Variants in PCLO observed in about 807,000 individuals in gnomAD.
The protein encoded by PCLO is protein piccolo.
A neutral mutation model predicts 427.5 loss-of-function variants in PCLO; 82 were observed. The observed-to-expected ratio is 0.19, with a 90% confidence interval of 0.16 to 0.23. The LOEUF is 0.23. Among genes scored for constraint, PCLO ranks in the 10% least tolerant of loss-of-function variants. The pLI is 1.00. For missense variants in PCLO, 6,239 were observed against 6,115.9 expected (o/e 1.02, Z -0.67); for synonymous variants, 2,357 against 2,155.4 (o/e 1.09, Z -2.59).
chr7:82,973,414 T>C (rs1163075082), intron 3 of PCLO, among the ~76,000 whole-genome samples: 6 of 152,160 alleles, frequency 3.9e-5, no homozygotes, highest in Non-Finnish European at 5.9e-5. Context: ...TATATCAAAT[T>C]ATATTAGAAC....
chr7:82,947,419 G>T (rs116395463), intron 6 of PCLO, among the ~76,000 whole-genome samples: 3,020 of 152,022 alleles, frequency 0.02, 106 homozygotes, highest in African/African-American at 0.069. Flanking sequence ...TATTTTTTTA[G>T]TATAGTTAAT....
chr7:83,149,012 C>T (rs1197049357), intron 2 of PCLO, among the ~76,000 whole-genome samples: 1 of 152,072 alleles, frequency 6.6e-6, no homozygotes, highest in African/African-American at 2.4e-5. Context: ...TTTTGCAATA[C>T]CCCATTGTGG....
At chr7:82,966,538 G>T in intron 3 of PCLO, 51 bp from the exon 4 acceptor site, 2 of 1,153,188 alleles carry the variant, frequency 1.7e-6, no homozygotes, top group Non-Finnish European at 2.3e-6. Flanking sequence ...TAATGTATCT[G>T]TTTCTGTGAT....
At chr7:83,160,234 A>G (rs1792399816) in intron 1 of PCLO, among the ~76,000 whole-genome samples, 1 of 152,194 alleles carries the variant, frequency 6.6e-6, no homozygotes, top group African/African-American at 2.4e-5. Context: ...CATGAGACAC[A>G]TTGATTGAGA....
chr7:83,145,392 T>C (rs961597790), intron 2 of PCLO, among the ~76,000 whole-genome samples: 1 of 152,184 alleles, frequency 6.6e-6, no homozygotes, highest in Non-Finnish European at 1.5e-5. Flanking sequence ...TTTTTAACTT[T>C]AAGGATATGT....
At chr7:83,027,695 C>A (rs888079564) in intron 3 of PCLO, among the ~76,000 whole-genome samples, 1 of 134,252 alleles carries the variant, frequency 7.4e-6, no homozygotes, top group African/African-American at 2.7e-5. Flanking sequence ...AACATTGATG[C>A]AAAAATCCTC....
intron 22 of PCLO, among the ~76,000 whole-genome samples, chr7:82,766,273 G>C (rs1376715397): frequency 6.6e-6 from 1 of 152,012 alleles, no homozygotes; most frequent in African/African-American, 2.4e-5. Flanking sequence ...CATTACTGGA[G>C]CTCCAAGATA....
intron 3 of PCLO, among the ~76,000 whole-genome samples, chr7:83,084,855 G>A (rs911227384): frequency 1.3e-5 from 2 of 152,180 alleles, no homozygotes; most frequent in African/African-American, 4.8e-5. Flanking sequence ...TTCCACTTGG[G>A]TTGACAACAC....
chr7:83,029,782 TA>T (rs1287661045), intron 3 of PCLO, among the ~76,000 whole-genome samples: 1 of 133,556 alleles, frequency 7.5e-6, no homozygotes. Flanking sequence ...TATGCAGCCA[TA>T]AAAAATGATG....
chr7:83,000,173 CCTTA>C (rs1201779206), intron 3 of PCLO, among the ~76,000 whole-genome samples: 1 of 150,872 alleles, frequency 6.6e-6, no homozygotes, highest in Non-Finnish European at 1.5e-5. Context: ...CAGGGAAACA[CCTTA>C]CTTACAGAGG....
In PCLO at chr7:83,129,333, GT is replaced by G. The variant is rs543850252; in HGVS notation, c.3300+4916del. Among the ~76,000 whole-genome samples, 312 of 150,934 alleles carry G rather than the reference GT, an allele frequency of 2.1e-3. 3 individuals are homozygous for G. The highest frequency in any genetic ancestry group is 3.4e-3 in the Non-Finnish European group (232 of 67,650). On this transcript the variant is annotated intron_variant, in intron 3 of 24. Coordinates refer to ENST00000333891, the MANE Select transcript of PCLO (RefSeq NM_033026.6). Reference sequence around the variant, plus strand: ...CAATTTACCTTTCAAACATCGCACAGTTTTTTTTTCTGGATCATAATTAAAA... The same window carrying G: ...CAATTTACCTTTCAAACATCGCACAGTTTTTTTTCTGGATCATAATTAAAA...
At chr7:83,038,037 A>T (rs7784123) in intron 3 of PCLO, among the ~76,000 whole-genome samples, 8 of 33,828 alleles carry the variant, frequency 2.4e-4, no homozygotes, top group African/African-American at 5.3e-4. Context: ...ATATTTATAT[A>T]TTTATATATA....
At chr7:82,873,581 T>C (rs1793293993) in intron 10 of PCLO, among the ~76,000 whole-genome samples, 1 of 152,158 alleles carries the variant, frequency 6.6e-6, no homozygotes, top group African/African-American at 2.4e-5. Context: ...GCAAAACACA[T>C]TCACTATTAA....
chr7:82,832,843 A>ACACG (rs1336561441), intron 16 of PCLO, among the ~76,000 whole-genome samples: 3 of 143,004 alleles, frequency 2.1e-5, no homozygotes, highest in Admixed American at 7.1e-5. Context: ...ACACACACAC[A>ACACG]CGTTTTTCAA....
At chr7:82,906,006 TATAGATAGATAG>T (rs35608595) in intron 8 of PCLO, among the ~76,000 whole-genome samples, 1,559 of 146,730 alleles carry the variant, frequency 0.011, 9 homozygotes, top group African/African-American at 0.014. Flanking sequence ...AGGTTAAGCA[TATAGATAGATAG>T]ATAGATAGAT....
Position 82,956,097 on chromosome 7 carries a change from A to G in PCLO, c.4856T>C (p.Ile1619Thr), listed in dbSNP as rs756874950. The change falls in exon 5 of 25, where the codon ATT (isoleucine) becomes ACT (threonine). Residue 1619 changes from isoleucine to threonine, a missense_variant. Ile to Thr is a moderately conservative substitution (Grantham distance 89). Transcript: ENST00000333891. ...GTGACGTCTTCCTGCATCTTCATCA[A>G]TGCTTGTGCTACTTTTTCGAGTCAG... ...RRLTRKSSTS[I>T]DEDAGRRHSW... The G allele has an allele frequency of 9.9e-6, 16 of 1,610,846 alleles. No homozygotes were observed. Among genetic ancestry groups the G allele is most frequent in the Middle Eastern group, 1.6e-4 (1 of 6,084 alleles).
intron 20 of PCLO, chr7:82,820,712 T>C (rs929805785): frequency 1.5e-5 from 18 of 1,231,084 alleles, no homozygotes; most frequent in Non-Finnish European, 3.0e-6. Flanking sequence ...CTTGAAATAA[T>C]AGGCAAAAAA....
chr7:82,883,927 G>A (rs1043814190), intron 9 of PCLO, among the ~76,000 whole-genome samples: 13 of 151,994 alleles, frequency 8.6e-5, no homozygotes, highest in African/African-American at 1.2e-4. Flanking sequence ...CTGCCACCAC[G>A]CCCAGCTAAT....
At chr7:82,964,296 T>G (rs1336571720) in intron 4 of PCLO, among the ~76,000 whole-genome samples, 1 of 151,940 alleles carries the variant, frequency 6.6e-6, no homozygotes, top group Non-Finnish European at 1.5e-5. Flanking sequence ...GACAGGTGCT[T>G]GATGGTGAAA....
Sources: gnomAD v4.1 joint callset for allele counts (sites outside exome capture counted in the v4.1 genomes callset) on GRCh38, gnomAD v4.1.1 for gene constraint, MANE v1.5 for transcripts, NCBI Gene and HGNC (gene_info 2026-07-23, HGNC 2026-07-21) for gene names.